Variants in RUBCN observed in about 807,000 individuals in gnomAD.
RUBCN encodes run domain Beclin-1-interacting and cysteine-rich domain-containing protein.
Under a neutral mutation model 113.2 loss-of-function variants are expected in RUBCN, and 74 were observed. The ratio of observed to expected loss-of-function variants is 0.65; its 90% confidence interval spans 0.54 to 0.79. RUBCN has a LOEUF of 0.79. Ranked by LOEUF, RUBCN falls within the 30% of genes least tolerant of loss-of-function variation. The probability of loss-of-function intolerance (pLI) is 0.00; values close to 1 mark genes in which losing one functional copy is unlikely to be tolerated. For synonymous variants in RUBCN, 480 were observed against 490.0 expected (o/e 0.98, Z 0.27); for missense variants, 1,109 against 1,251.7 (o/e 0.89, Z 1.72).
At chr3:197,748,719 C>T (rs1333901852) in intron 1 of RUBCN, among the ~76,000 whole-genome samples, 2 of 152,162 alleles carry the variant, frequency 1.3e-5, no homozygotes, top group Non-Finnish European at 2.9e-5. Context: ...AAATTCAGGC[C>T]TGGAAAGGGG....
chr3:197,722,777 C>T (rs1247401998), intron 1 of RUBCN, among the ~76,000 whole-genome samples: 1 of 152,086 alleles, frequency 6.6e-6, no homozygotes, highest in Non-Finnish European at 1.5e-5. Flanking sequence ...AGTATAGCTA[C>T]TCCTGCTGTC....
chr3:197,711,661 T>G (rs1189590789), intron 2 of RUBCN, among the ~76,000 whole-genome samples: 1 of 152,028 alleles, frequency 6.6e-6, no homozygotes, highest in Non-Finnish European at 1.5e-5. Flanking sequence ...AGTGAGACCC[T>G]GTCTTTAAAA....
chr3:197,717,605 T>G (rs745817424), intron 2 of RUBCN, among the ~76,000 whole-genome samples: 5 of 152,208 alleles, frequency 3.3e-5, no homozygotes, highest in Non-Finnish European at 5.9e-5. Context: ...TGTGTGGCCC[T>G]GCAGACACCT....
In RUBCN at chr3:197,700,595, G is replaced by A. The variant is rs1352772437; in HGVS notation, c.1261+18C>T. The A allele has an allele frequency of 3.6e-5, 58 of 1,613,720 alleles. No individual in the cohort carries two copies. Among genetic ancestry groups the A allele is most frequent in the Non-Finnish European group, 4.6e-5 (54 of 1,179,740 alleles). On this transcript the variant is annotated intron_variant, in intron 7 of 19. Coordinates refer to ENST00000296343, the MANE Select transcript of RUBCN (RefSeq NM_014687.4). ...TTCAGGGTCATCTTGCTAACTAGCA[G>A]CCGGTGTTCCTCATTACCTGGAGCT...
intron 7 of RUBCN, among the ~76,000 whole-genome samples, chr3:197,698,829 CAAAAAAA>C (rs113975138): frequency 7.0e-3 from 218 of 31,100 alleles, no homozygotes; most frequent in African/African-American, 0.019. Context: ...CCTGTCTCTA[CAAAAAAA>C]AAAAAAAAAA....
exon 1 of RUBCN, chr3:197,749,577 T>TA: frequency 7.8e-7 from 1 of 1,284,922 alleles, no homozygotes; most frequent in Non-Finnish European, 1.0e-6. Flanking sequence ...TACCGAAGTA[T>TA]AGGGGACCTG....
In RUBCN at chr3:197,736,857, G is replaced by A. The variant is rs2109016784; in HGVS notation, c.-138C>T. 2 of 1,379,712 alleles carry A rather than the reference G, an allele frequency of 1.4e-6. No homozygotes were observed. Among genetic ancestry groups the A allele is most frequent in the African/African-American group, 1.5e-5 (1 of 65,034 alleles). The allele number at this position is 1,379,712 out of a possible 1,614,324, so 85.5% of individuals were successfully genotyped here. A position where few individuals can be genotyped will look rare whatever the true frequency, so the allele number is the denominator to read the frequency against. ...GGGTGATGCGCTACACCCGGGCGGC[G>A]ACAGCGGGAGGGACCGCCGCCTGGG... On this transcript the variant is annotated 5_prime_UTR_variant, in exon 1 of 20. Coordinates refer to ENST00000296343, the MANE Select transcript of RUBCN (RefSeq NM_014687.4).
In RUBCN at chr3:197,695,983, T is replaced by C. The variant is rs759308084; in HGVS notation, c.1358-2A>G. ...CTGAGCACAGGTACCGACCACCTTCTGTGGGAAATGGAATGTGGATGAAAC... is the reference window on the plus strand; with the variant it reads ...CTGAGCACAGGTACCGACCACCTTCCGTGGGAAATGGAATGTGGATGAAAC... On this transcript the variant is annotated splice_acceptor_variant, in intron 8 of 19. Transcript: ENST00000296343. LOFTEE classifies it high-confidence loss of function. The C allele has an allele frequency of 1.1e-5, 17 of 1,613,754 alleles. No individual in the cohort carries two copies. The highest frequency in any genetic ancestry group is 1.4e-5 in the Non-Finnish European group (16 of 1,179,742).
At chr3:197,715,362 C>T (rs769042556) in intron 2 of RUBCN, among the ~76,000 whole-genome samples, 2 of 150,270 alleles carry the variant, frequency 1.3e-5, no homozygotes, top group South Asian at 4.2e-4. Context: ...ATTTAAGCTA[C>T]AATCAAACTA....
In RUBCN at chr3:197,704,603, G is replaced by A; in HGVS notation, c.402C>T (p.Cys134=). ...LWLQHSLQYH[C]LSAQLRPLLG... is the part of the protein sequence containing the mutation. ...GCAGGGGCCGGAGCTGGGCTGAGAG[G>A]CAGTGGTACTGCAGGCTGTGCTGCA... Residue 134 remains cysteine, a synonymous_variant, in exon 4 of 20, where the codon TGC becomes TGT. Transcript: ENST00000296343. The A allele has an allele frequency of 1.2e-6, 2 of 1,614,178 alleles. No homozygotes were observed. The highest frequency in any genetic ancestry group is 1.1e-5 in the South Asian group (1 of 91,076).
At chr3:197,715,149 C>T (rs1351694610) in intron 2 of RUBCN, among the ~76,000 whole-genome samples, 1 of 151,556 alleles carries the variant, frequency 6.6e-6, no homozygotes, top group Admixed American at 6.6e-5. Context: ...ACTGGCTGGG[C>T]GTGGTGGTGC....
At chr3:197,686,726 A>G (rs1203606308) in intron 11 of RUBCN, among the ~76,000 whole-genome samples, 1 of 152,230 alleles carries the variant, frequency 6.6e-6, no homozygotes, top group African/African-American at 2.4e-5. Context: ...GGTCCGAGAC[A>G]CTCAGCATCC....
chr3:197,697,647 A>G (rs1172141044), intron 7 of RUBCN, among the ~76,000 whole-genome samples: 1 of 152,224 alleles, frequency 6.6e-6, no homozygotes, highest in African/African-American at 2.4e-5. Flanking sequence ...CTGGCGAGAC[A>G]GACAATGCCT....
intron 2 of RUBCN, among the ~76,000 whole-genome samples, chr3:197,706,159 A>G (rs1380088429): frequency 6.6e-6 from 1 of 152,186 alleles, no homozygotes; most frequent in Admixed American, 6.5e-5. Flanking sequence ...AAAATCAAAT[A>G]AGGAAACATC....
intron 1 of RUBCN, among the ~76,000 whole-genome samples, chr3:197,735,377 G>A (rs1728003828): frequency 6.6e-6 from 1 of 152,222 alleles, no homozygotes; most frequent in Non-Finnish European, 1.5e-5. Flanking sequence ...CAGCCTGGGG[G>A]ACAGGGTGAG....
Position 197,674,876 on chromosome 3 carries a change from T to TGGTCG in RUBCN, c.*141_*142insCGACC. ...TGACTGCACACAGACGTCAGACAAG[T>TGGTCG]CAGTAAAAAAAAAAAAAAAGATGAT... On this transcript the variant is annotated 3_prime_UTR_variant, in exon 20 of 20. Transcript: ENST00000296343. The TGGTCG allele has an allele frequency of 6.5e-6, 4 of 615,120 alleles. No homozygotes were observed. Among genetic ancestry groups the TGGTCG allele is most frequent in the Admixed American group, 4.6e-5 (1 of 21,590 alleles). 38.1% of individuals were successfully genotyped at this position (615,120 alleles called of 1,614,324 possible). A position where few individuals can be genotyped will look rare whatever the true frequency, so the allele number is the denominator to read the frequency against.
intron 11 of RUBCN, among the ~76,000 whole-genome samples, chr3:197,686,483 C>G (rs539951645): frequency 6.6e-6 from 1 of 152,198 alleles, no homozygotes; most frequent in Non-Finnish European, 1.5e-5. Context: ...GGGGCCATGA[C>G]CCCTGACCCC....
At position 197,705,075 on chromosome 3, in the gene RUBCN, T is replaced by C; in HGVS notation, c.303+17A>G. On this transcript the variant is annotated intron_variant, in intron 3 of 19. Coordinates refer to ENST00000296343, the MANE Select transcript of RUBCN (RefSeq NM_014687.4). The stretch of plus-strand genomic sequence containing the variant: ...CCCACAGCTCTGCCAGCACAGCCGC[T>C]CTGCTCTCACTCTTACCTTCTCCAC... 3 of 1,605,660 alleles carry C rather than the reference T, an allele frequency of 1.9e-6. No individual in the cohort carries two copies. The highest frequency in any genetic ancestry group is 2.2e-5 in the East Asian group (1 of 44,830).
intron 1 of RUBCN, among the ~76,000 whole-genome samples, chr3:197,735,968 T>A (rs1392566331): frequency 6.6e-6 from 1 of 152,218 alleles, no homozygotes; most frequent in African/African-American, 2.4e-5. Flanking sequence ...TAAATAAATG[T>A]GAACTTGCTT....
Sources: allele counts gnomAD v4.1 joint callset (sites outside exome capture counted in the v4.1 genomes callset), GRCh38; gene constraint gnomAD v4.1.1; transcripts MANE v1.5; gene names NCBI Gene and HGNC (gene_info 2026-07-23, HGNC 2026-07-21).